FAM91A1: variants seen among roughly 807,000 people sequenced by gnomAD.
FAM91A1 encodes the protein protein FAM91A1.
A neutral mutation model predicts 113.5 loss-of-function variants in FAM91A1; 41 were observed. That is an observed-to-expected ratio of 0.36 (90% CI 0.28 to 0.47). The LOEUF (loss-of-function observed/expected upper bound fraction) is 0.47, where lower values mean the gene tolerates loss of function less well. Ranked by LOEUF, FAM91A1 falls within the 20% of genes least tolerant of loss-of-function variation. The pLI, the probability that FAM91A1 is intolerant of heterozygous loss-of-function variation, is 1.00. For synonymous variants in FAM91A1, 307 were observed against 347.9 expected, an observed-to-expected ratio of 0.88 and a Z score of 1.31; for missense variants, 696 against 1,001.2, an observed-to-expected ratio of 0.70 and a Z score of 4.11.
rs1397976834 is a variant in FAM91A1, at chr8:123,780,536, A to G, written c.697A>G (p.Ile233Val). 3.7e-6 allele frequency: 6 copies of G among 1,611,254 alleles called. No homozygotes were observed. In the East Asian group the frequency reaches 1.3e-4, roughly 36 times the overall value. Reference protein sequence around the residue: ...LDVPISDDSCIAVPPLEGFVM... With the variant: ...LDVPISDDSCVAVPPLEGFVM... Reference sequence around the variant, plus strand: ...TGTACCAATATCTGATGACAGTTGTATAGCAGGTAAGTCCGTGCTAACATT... The same window carrying G: ...TGTACCAATATCTGATGACAGTTGTGTAGCAGGTAAGTCCGTGCTAACATT... The change falls in exon 8 of 24, where the codon ATA (isoleucine) becomes GTA (valine). Residue 233 changes from isoleucine (I) to valine (V), a missense_variant. Coordinates refer to ENST00000334705, the MANE Select transcript of FAM91A1 (RefSeq NM_144963.4).
intron 16 of FAM91A1, among the ~76,000 whole-genome samples, chr8:123,798,494 G>T (rs1362962992): frequency 2.0e-5 from 3 of 152,098 alleles, no homozygotes; most frequent in South Asian, 4.1e-4. Flanking sequence ...AATGTTTTAG[G>T]ATGCTCCAGA....
chr8:123,789,688 C>T lies in FAM91A1; in HGVS notation c.1354C>T (p.Leu452=). The T allele has an allele frequency of 6.2e-7, 1 of 1,613,048 alleles. No homozygotes were observed. The highest frequency in any genetic ancestry group is 1.8e-4 in the Middle Eastern group (1 of 5,460). ...ALTLRNTILF[L]RHNKDLVAQT... is the part of the protein sequence containing the mutation. Reference sequence around the variant, plus strand: ...TACTCTGAGAAACACAATACTGTTTCTGCGTCATAACAAAGATCTAGTTGC... The same window carrying T: ...TACTCTGAGAAACACAATACTGTTTTTGCGTCATAACAAAGATCTAGTTGC... The change falls in exon 15 of 24, where the codon CTG becomes TTG. Residue 452 remains leucine, a synonymous_variant. Transcript: ENST00000334705.
chr8:123,794,360 A>G (rs1010679942), intron 15 of FAM91A1, among the ~76,000 whole-genome samples: 2 of 152,244 alleles, frequency 1.3e-5, no homozygotes, highest in Non-Finnish European at 2.9e-5. Context: ...TTATCATAAA[A>G]TATATACAGA....
chr8:123,783,068 T>C (rs2130075682), intron 8 of FAM91A1, among the ~76,000 whole-genome samples: 1 of 152,194 alleles, frequency 6.6e-6, no homozygotes, highest in East Asian at 1.9e-4. Context: ...CCCAGCTACT[T>C]GGGGGACTGG....
At chr8:123,806,345 ATTC>A in intron 20 of FAM91A1, 116 bp downstream of exon 20, 4 of 1,098,334 alleles carry the variant, frequency 3.6e-6, no homozygotes, top group Non-Finnish European at 5.1e-6. Context: ...AATACTCAAT[ATTC>A]TTTCACTGAA....
Position 123,780,486 on chromosome 8 carries a change from A to T in FAM91A1, c.647A>T (p.Tyr216Phe). ...SLDYNVVHSLYNKGFIYLDVP... is the reference protein window; with the variant it reads ...SLDYNVVHSLFNKGFIYLDVP... ...GGTACTTTTGTTTCTTCAGGTTTGT[A>T]TAACAAAGGATTTATTTATCTGGAT... is the stretch of plus-strand genomic sequence containing the variant. The change falls in exon 8 of 24, where the codon TAT becomes TTT. Residue 216 changes from tyrosine (Y) to phenylalanine (F), a missense_variant. Tyr to Phe is a conservative substitution (Grantham distance 22, BLOSUM62 3). Coordinates refer to ENST00000334705, the MANE Select transcript of FAM91A1 (RefSeq NM_144963.4). 1 of 1,611,264 alleles carries T rather than the reference A, an allele frequency of 6.2e-7. No individual in the cohort carries two copies. The highest frequency in any genetic ancestry group is 8.5e-7 in the Non-Finnish European group (1 of 1,178,682).
chr8:123,777,953 A>G (rs1815027547), intron 4 of FAM91A1, 72 bp from the exon 5 acceptor site: 7 of 1,310,838 alleles, frequency 5.3e-6, no homozygotes, highest in African/African-American at 3.0e-5. Context: ...GGTTTTTCCT[A>G]CAATCGCTTG....
In FAM91A1 at chr8:123,809,516, T is replaced by C. The variant is rs941480719; in HGVS notation, c.2261+500T>C. ...AAGATGACATGTAGGTTTTATCTTA[T>C]ATACCAGCTCTGATCCATTGTGAGT... On this transcript the variant is annotated intron_variant, in intron 22 of 23. Transcript: ENST00000334705. Among the ~76,000 whole-genome samples the C allele has an allele frequency of 5.3e-5, 8 of 152,224 alleles. No individual in the cohort carries two copies. The East Asian group carries it at 5.8e-4, about 11-fold the overall frequency.
At chr8:123,772,507 C>A (rs1177953227) in intron 1 of FAM91A1, among the ~76,000 whole-genome samples, 1 of 152,088 alleles carries the variant, frequency 6.6e-6, no homozygotes, top group Non-Finnish European at 1.5e-5. Flanking sequence ...ACTCTTAACC[C>A]CTTATAATGT....
At chr8:123,794,077 A>C (rs906739401) in intron 15 of FAM91A1, among the ~76,000 whole-genome samples, 1 of 152,170 alleles carries the variant, frequency 6.6e-6, no homozygotes, top group African/African-American at 2.4e-5. Context: ...TAGAGATCGG[A>C]AACTGGAGGA....
At chr8:123,807,588 A>G (rs1815844614) in intron 20 of FAM91A1, among the ~76,000 whole-genome samples, 1 of 152,122 alleles carries the variant, frequency 6.6e-6, no homozygotes, top group African/African-American at 2.4e-5. Flanking sequence ...GTTATTGACT[A>G]TGATGGGGTC....
intron 22 of FAM91A1, among the ~76,000 whole-genome samples, 176 bp from the exon 23 acceptor site, chr8:123,810,106 T>A (rs560988842): frequency 6.6e-6 from 1 of 152,346 alleles, no homozygotes; most frequent in South Asian, 2.1e-4. Flanking sequence ...CTACTCCCTA[T>A]TATTAAAACA....
chr8:123,777,981 C>A, intron 4 of FAM91A1, 44 bp from the exon 5 acceptor site: 1 of 1,533,034 alleles, frequency 6.5e-7, no homozygotes, highest in Non-Finnish European at 9.0e-7. Flanking sequence ...ATTGAGATTT[C>A]AAGATATGTT....
chr8:123,791,879 G>A (rs1197046462), intron 15 of FAM91A1, among the ~76,000 whole-genome samples: 1 of 152,106 alleles, frequency 6.6e-6, no homozygotes, highest in African/African-American at 2.4e-5. Context: ...CTCTTTTTTA[G>A]AAAAGAAATT....
At position 123,780,026 on chromosome 8, in the gene FAM91A1, C is replaced by T. The variant is rs757403971; in HGVS notation, c.591C>T (p.Ile197=). The stretch of plus-strand genomic sequence containing the variant: ...AGAAATGCGCTGTTGATAAGATCAT[C>T]GATTCAGGCCCTCAACTCTCTGGAT... ...LPEKCAVDKI[I]DSGPQLSGSL... The change falls in exon 7 of 24, where the codon ATC becomes ATT. Residue 197 remains isoleucine (I), a synonymous_variant. Coordinates refer to ENST00000334705, the MANE Select transcript of FAM91A1 (RefSeq NM_144963.4). 8 of 1,613,278 alleles carry T rather than the reference C, an allele frequency of 5.0e-6. No homozygotes were observed. The East Asian group carries it at 6.7e-5, about 14-fold the overall frequency.
In FAM91A1 at chr8:123,812,794, T is replaced by C; in HGVS notation, c.*90T>C. ...TGTCAGCCACTAAAAAGCATCCTGC[T>C]GCTGCAGTGCAATTCTTGCTTAACT... On this transcript the variant is annotated 3_prime_UTR_variant, in exon 24 of 24. Transcript: ENST00000334705. 6.5e-6 allele frequency: 7 copies of C among 1,071,082 alleles called. No individual in the cohort carries two copies. The highest frequency in any genetic ancestry group is 9.0e-6 in the Non-Finnish European group (7 of 780,502). The allele number at this position is 1,071,082 out of a possible 1,614,324, so 66.3% of individuals were successfully genotyped here.
Position 123,806,153 on chromosome 8 carries a change from C to T in FAM91A1, c.1956C>T (p.Leu652=). 1.9e-6 allele frequency: 3 copies of T among 1,613,564 alleles called. No homozygotes were observed. Among genetic ancestry groups the T allele is most frequent in the Non-Finnish European group, 8.5e-7 (1 of 1,179,662 alleles). ...GGAACAGAGTGGACTTACAGCATCT[C>T]TGTGGATATGTCACCATGTTGAATG... ...ILRNRVDLQH[L]CGYVTMLNAS... The change falls in exon 20 of 24, where the codon CTC becomes CTT. Residue 652 remains leucine (L), a synonymous_variant. Coordinates refer to ENST00000334705, the MANE Select transcript of FAM91A1 (RefSeq NM_144963.4).
intron 11 of FAM91A1, chr8:123,786,011 GT>G: frequency 2.3e-6 from 1 of 430,368 alleles, no homozygotes; most frequent in Non-Finnish European, 4.5e-6. Context: ...TAGAGGTGGG[GT>G]TTCACCATGT....
intron 8 of FAM91A1, among the ~76,000 whole-genome samples, chr8:123,784,238 T>C (rs189399832): frequency 6.6e-6 from 1 of 152,312 alleles, no homozygotes; most frequent in East Asian, 1.9e-4. Context: ...TCAGTAACTC[T>C]GAGTTCCATG....
Sources: gnomAD v4.1 joint callset for allele counts (sites outside exome capture counted in the v4.1 genomes callset) on GRCh38, gnomAD v4.1.1 for gene constraint, MANE v1.5 for transcripts, NCBI Gene and HGNC (gene_info 2026-07-23, HGNC 2026-07-21) for gene names.